The following ZNF584 variants were observed in gnomAD, a reference collection of about 807,000 sequenced individuals.
ZNF584 encodes the protein zinc finger protein 584.
Under a neutral mutation model 14.7 loss-of-function variants are expected in ZNF584, and 12 were observed. The observed-to-expected ratio is 0.82, with a 90% CI of 0.52 to 1.32. The LOEUF (loss-of-function observed/expected upper bound fraction) is 1.32. Ranked by LOEUF, ZNF584 falls within the 40% of genes most tolerant of loss-of-function variation. The pLI is 0.00. For missense variants in ZNF584, 478 were observed against 518.8 expected, an observed-to-expected ratio of 0.92 and a Z score of 0.76; for synonymous variants, 204 against 190.9, an observed-to-expected ratio of 1.07 and a Z score of -0.57.
intron 1 of ZNF584, among the ~76,000 whole-genome samples, chr19:58,402,549 G>A (rs1427103559): frequency 6.6e-6 from 1 of 152,120 alleles, no homozygotes; most frequent in Non-Finnish European, 1.5e-5. Flanking sequence ...AAGGCTGGGC[G>A]CGGTGGCTCA....
intron 2 of ZNF584, among the ~76,000 whole-genome samples, chr19:58,411,703 G>T (rs1418057754): frequency 6.6e-6 from 1 of 150,824 alleles, no homozygotes; most frequent in Non-Finnish European, 1.5e-5. Context: ...GAGTGCAGTG[G>T]CGCGATCTCG....
chr19:58,409,900 C>T (rs1568583777), intron 1 of ZNF584, 41 bp from the exon 2 acceptor site: 1 of 1,613,556 alleles, frequency 6.2e-7, no homozygotes, highest in South Asian at 1.1e-5. Context: ...TCCATCTGTC[C>T]ATATTTTGGT....
chr19:58,402,992 G>A (rs948963431), intron 1 of ZNF584, among the ~76,000 whole-genome samples: 1 of 152,144 alleles, frequency 6.6e-6, no homozygotes, highest in Non-Finnish European at 1.5e-5. Flanking sequence ...ACATCTATTA[G>A]AATGGCTACA....
intron 2 of ZNF584, among the ~76,000 whole-genome samples, chr19:58,410,615 GTATATATGTGTATATATGTGTA>G (rs2052547294): frequency 2.4e-5 from 1 of 42,262 alleles, no homozygotes; most frequent in Non-Finnish European, 3.8e-5. Flanking sequence ...ATATATATGT[GTATATATGTGTATATATGTGTA>G]TATATATGTG....
intron 2 of ZNF584, among the ~76,000 whole-genome samples, chr19:58,414,573 A>T (rs1228228230): frequency 6.6e-6 from 1 of 151,516 alleles, no homozygotes; most frequent in Non-Finnish European, 1.5e-5. Context: ...TGATCTCCTG[A>T]CCTCATGATC....
In ZNF584 at chr19:58,410,717, A is replaced by G. The variant is rs1316266005; in HGVS notation, c.169+626A>G. Among the ~76,000 whole-genome samples the G allele has an allele frequency of 6.9e-4, 32 of 46,328 alleles. 2 individuals are homozygous for G. Among genetic ancestry groups the G allele is most frequent in the African/African-American group, 3.7e-3 (16 of 4,340 alleles). 30.4% of individuals were successfully genotyped at this position (46,328 alleles called of 152,430 possible). ...TGTATATATATATGTATATATGTGT[A>G]TATATATATGTATATATATATATGT... On this transcript the variant is annotated intron_variant, in intron 2 of 3. Transcript: ENST00000306910.
At chr19:58,401,906 A>AAAAT (rs1386954920) in intron 1 of ZNF584, among the ~76,000 whole-genome samples, 50 of 118,514 alleles carry the variant, frequency 4.2e-4, no homozygotes, top group Non-Finnish European at 6.5e-4. Context: ...AAAAAAAAAG[A>AAAAT]TTTTTTTTTT....
At chr19:58,414,498 C>G (rs1042582887) in intron 2 of ZNF584, among the ~76,000 whole-genome samples, 2 of 147,748 alleles carry the variant, frequency 1.4e-5, no homozygotes, top group Non-Finnish European at 1.5e-5. Flanking sequence ...GCCACCATGC[C>G]CGGGTAATTT....
At chr19:58,415,734 G>A (rs1427957345) in intron 3 of ZNF584, 88 bp downstream of exon 3, 1 of 1,610,394 alleles carries the variant, frequency 6.2e-7, no homozygotes, top group Non-Finnish European at 8.5e-7. Flanking sequence ...TTGGTGTTGA[G>A]GGCAGTGACC....
chr19:58,416,726 T>C, intron 3 of ZNF584, 85 bp from the exon 4 acceptor site: 1 of 1,486,812 alleles, frequency 6.7e-7, no homozygotes. Context: ...ATGGAGTCCT[T>C]CTGGGTGTGT....
intron 2 of ZNF584, among the ~76,000 whole-genome samples, chr19:58,410,539 A>AATTTTTTTTTTTT: frequency 2.6e-4 from 10 of 38,698 alleles, no homozygotes; most frequent in Non-Finnish European, 2.8e-4. Flanking sequence ...ATATATATAT[A>AATTTTTTTTTTTT]TATATATATA....
chr19:58,416,746 A>T, intron 3 of ZNF584, 65 bp from the exon 4 acceptor site: 1 of 1,509,998 alleles, frequency 6.6e-7, no homozygotes, highest in Non-Finnish European at 8.8e-7. Flanking sequence ...TCTGACATGC[A>T]CTGGTGATTA....
At chr19:58,410,563 A>T (rs1288268114) in intron 2 of ZNF584, among the ~76,000 whole-genome samples, 2 of 29,432 alleles carry the variant, frequency 6.8e-5, no homozygotes, top group African/African-American at 3.3e-4. Context: ...ATATATGTGT[A>T]TATATATATG....
chr19:58,417,721 G>A lies in ZNF584; in HGVS notation c.1203G>A (p.Lys401=), dbSNP rs780496800. 2 of 1,614,162 alleles carry A rather than the reference G, an allele frequency of 1.2e-6. No individual in the cohort carries two copies. The highest frequency in any genetic ancestry group is 8.5e-7 in the Non-Finnish European group (1 of 1,179,988). Residue 401 remains lysine, a synonymous_variant, in exon 4 of 4, where the codon AAG becomes AAA. Coordinates refer to ENST00000306910, the MANE Select transcript of ZNF584 (RefSeq NM_173548.3). ...ATAGTTCCACCCTCCTTCAGCACAA[G>A]AAAGTCCATACTCCAGAAAGGCGTC... The part of the protein sequence containing the change: ...FKHSSTLLQH[K]KVHTPERRQE...
At chr19:58,401,906 A>AAAAAAAAAT (rs1386954920) in intron 1 of ZNF584, among the ~76,000 whole-genome samples, 1 of 118,516 alleles carries the variant, frequency 8.4e-6, no homozygotes, top group Admixed American at 8.2e-5. Context: ...AAAAAAAAAG[A>AAAAAAAAAT]TTTTTTTTTT....
chr19:58,411,911 T>C (rs888719517), intron 2 of ZNF584, among the ~76,000 whole-genome samples: 1 of 151,804 alleles, frequency 6.6e-6, no homozygotes. Flanking sequence ...CAACACTAAT[T>C]GTTGATTTTC....
intron 2 of ZNF584, among the ~76,000 whole-genome samples, chr19:58,411,697 G>C (rs1205051981): frequency 6.7e-6 from 1 of 149,326 alleles, no homozygotes; most frequent in Non-Finnish European, 1.5e-5. Context: ...AGGCTGGAGT[G>C]CAGTGGCGCG....
chr19:58,401,753 GT>G (rs1242981986), intron 1 of ZNF584: 1 of 149,612 alleles, frequency 6.7e-6, no homozygotes, highest in Non-Finnish European at 1.5e-5. Context: ...GCACAGACTC[GT>G]CCCCGGCCCC....
At chr19:58,410,685 GTATA>G (rs1319793666) in intron 2 of ZNF584, among the ~76,000 whole-genome samples, 3 of 26,724 alleles carry the variant, frequency 1.1e-4, no homozygotes, top group African/African-American at 5.4e-4. Context: ...GTATATATAT[GTATA>G]TATGTATATA....
Sources: gnomAD v4.1 joint callset for allele counts (sites outside exome capture counted in the v4.1 genomes callset) on GRCh38, gnomAD v4.1.1 for gene constraint, MANE v1.5 for transcripts, NCBI Gene and HGNC (gene_info 2026-07-23, HGNC 2026-07-21) for gene names.